The following SNX8 variants were observed in gnomAD, a reference collection of about 807,000 sequenced individuals.
SNX8 encodes the protein sorting nexin-8.
A neutral mutation model predicts 51.6 loss-of-function variants in SNX8; 25 were observed. The ratio of observed to expected loss-of-function variants is 0.48; its 90% CI spans 0.35 to 0.68. The LOEUF is 0.68. Among genes scored for constraint, SNX8 ranks in the 30% least tolerant of loss-of-function variants. SNX8 has a pLI of 0.00. For missense variants in SNX8, 695 were observed against 624.0 expected (o/e 1.11, Z -1.21); for synonymous variants, 324 against 277.0 (o/e 1.17, Z -1.68).
chr7:2,300,806 C>T (rs1796373557), intron 1 of SNX8, among the ~76,000 whole-genome samples: 1 of 152,042 alleles, frequency 6.6e-6, no homozygotes, highest in African/African-American at 2.4e-5. Context: ...CCACGCCCAG[C>T]TAATTTTTGT....
rs1242729760 is a variant in SNX8, at chr7:2,254,797, A to AT, written c.*258_*259insA. On this transcript the variant is annotated 3_prime_UTR_variant, in exon 11 of 11. Coordinates refer to ENST00000222990, the MANE Select transcript of SNX8 (RefSeq NM_013321.4). Reference sequence around the variant, plus strand: ...GCCTCCCCGCACAGCTCTGGGTGTCAGGAGGAAACCATTCCAGAGAACCCC... The same window carrying AT: ...GCCTCCCCGCACAGCTCTGGGTGTCATGGAGGAAACCATTCCAGAGAACCCC... 3.6e-6 allele frequency: 2 copies of AT among 549,352 alleles called. No individual in the cohort carries two copies. Among genetic ancestry groups the AT allele is most frequent in the Non-Finnish European group, 6.5e-6 (2 of 306,374 alleles). 34.0% of individuals were successfully genotyped at this position (549,352 alleles called of 1,614,324 possible).
chr7:2,300,663 A>C (rs117144060), intron 1 of SNX8, among the ~76,000 whole-genome samples: 2,959 of 151,214 alleles, frequency 0.02, 56 homozygotes, highest in South Asian at 0.099. Flanking sequence ...AATTATTGAG[A>C]CAGAGTTTCA....
At position 2,327,125 on chromosome 7, in the gene SNX8, T is replaced by C. The variant is rs536490663; in HGVS notation, c.-66+27097A>G. Among the ~76,000 whole-genome samples, 3 of 152,264 alleles carry C rather than the reference T, an allele frequency of 2.0e-5. No individual in the cohort carries two copies. The East Asian group carries it at 5.8e-4, about 29-fold the overall frequency. On this transcript the variant is annotated intron_variant, in intron 1 of 5. Transcript: ENST00000435336. ...CTTGCTTCTTCCAGCTTCTGGTGTT[T>C]GTCTCCTAGGGGGTTCCTGGTTTGT...
At chr7:2,342,027 A>AG in intron 1 of SNX8, among the ~76,000 whole-genome samples, 1 of 151,714 alleles carries the variant, frequency 6.6e-6, no homozygotes, top group Non-Finnish European at 1.5e-5. Context: ...TGGGAGGCTG[A>AG]GACGGGCGGA....
chr7:2,292,557 G>A (rs1230967652), intron 1 of SNX8, among the ~76,000 whole-genome samples: 1 of 151,710 alleles, frequency 6.6e-6, no homozygotes, highest in African/African-American at 2.4e-5. Context: ...GACTACAGGC[G>A]TCCACCACCA....
upstream of SNX8, among the ~76,000 whole-genome samples, chr7:2,319,049 T>C (rs1477491923): frequency 6.6e-6 from 1 of 151,538 alleles, no homozygotes; most frequent in East Asian, 1.9e-4. Context: ...ACTAAAAAAC[T>C]GTAAATTGGC....
Position 2,271,834 on chromosome 7 carries a change from G to C in SNX8, c.540+16C>G, listed in dbSNP as rs1310953959. The stretch of plus-strand genomic sequence containing the variant: ...ACTCCCCGGGGCCGGGACATGGGCA[G>C]GGCAGACACACTCACCGAGCCGCTG... On this transcript the variant is annotated intron_variant, in intron 4 of 10. Transcript: ENST00000222990. The C allele has an allele frequency of 1.9e-6, 3 of 1,593,164 alleles. No homozygotes were observed. The African/African-American group carries it at 4.0e-5, about 21-fold the overall frequency.
Position 2,254,720 on chromosome 7 carries a change from G to A in SNX8, c.*336C>T. ...CTCCCGACTGTTCCAGCACCTGGAG[G>A]CCCTGCCTCCACGCTCCCCCAGGCA... On this transcript the variant is annotated 3_prime_UTR_variant, in exon 11 of 11. Transcript: ENST00000222990. 1 of 355,132 alleles carries A rather than the reference G, an allele frequency of 2.8e-6. No homozygotes were observed. The highest frequency in any genetic ancestry group is 5.3e-6 in the Non-Finnish European group (1 of 190,208). 22.0% of individuals were successfully genotyped at this position (355,132 alleles called of 1,614,324 possible). A position where few individuals can be genotyped will look rare whatever the true frequency, so the allele number is the denominator to read the frequency against.
chr7:2,304,276 A>AGTG (rs1562448994), intron 1 of SNX8, among the ~76,000 whole-genome samples: 8 of 152,006 alleles, frequency 5.3e-5, no homozygotes, highest in Non-Finnish European at 1.0e-4. Flanking sequence ...CGGGCACGGC[A>AGTG]GCTCACGCCT....
At position 2,264,354 on chromosome 7, in the gene SNX8, G is replaced by A. The variant is rs202075558; in HGVS notation, c.726C>T (p.Ile242=). The A allele has an allele frequency of 2.8e-5, 45 of 1,612,874 alleles. No homozygotes were observed. In the East Asian group the frequency reaches 5.8e-4, roughly 21 times the overall value. ...FHKLRDRAER[I]ASRAIDNAAD... ...CCGCATTGTCGATGGCCCGCGATGC[G>A]ATCCGCTCGGCCCTGTCGCGAAGCT... is the stretch of plus-strand genomic sequence containing the variant. The change falls in exon 6 of 11, where the codon ATC becomes ATT. Residue 242 remains isoleucine, a synonymous_variant. Transcript: ENST00000222990.
At chr7:2,347,613 CTT>C (rs779721737) in intron 1 of SNX8, among the ~76,000 whole-genome samples, 74 of 121,570 alleles carry the variant, frequency 6.1e-4, no homozygotes, top group South Asian at 2.7e-3. Context: ...ACACTGGATT[CTT>C]TTTTTTTTTT....
rs1054069996 is a variant in SNX8, at chr7:2,280,322, A to AT, written c.95-2018dup. ...CTAAATAGAAAAAAAAGTGTTTCTC[A>AT]TTTTTTTTGTTTTTTACATGTTAGC... On this transcript the variant is annotated intron_variant, in intron 1 of 10. Transcript: ENST00000222990. 7.2e-5 allele frequency among the ~76,000 whole-genome samples: 11 copies of AT among 151,952 alleles called. No individual in the cohort carries two copies. The South Asian group carries it at 2.3e-3, about 32-fold the overall frequency.
intron 1 of SNX8, among the ~76,000 whole-genome samples, chr7:2,324,363 T>C (rs1192968107): frequency 6.6e-6 from 1 of 150,676 alleles, no homozygotes; most frequent in African/African-American, 2.4e-5. Flanking sequence ...TGATCTTGGC[T>C]CACTACAACC....
At chr7:2,305,590 C>T (rs1796527290) in intron 1 of SNX8, among the ~76,000 whole-genome samples, 1 of 152,074 alleles carries the variant, frequency 6.6e-6, no homozygotes, top group African/African-American at 2.4e-5. Context: ...TCTCGAACTC[C>T]TGACCTCAGG....
intron 4 of SNX8, among the ~76,000 whole-genome samples, chr7:2,271,302 C>T (rs538858630): frequency 1.1e-4 from 17 of 152,216 alleles, no homozygotes; most frequent in Admixed American, 9.2e-4. Flanking sequence ...TCGGCCTCTC[C>T]GAGCGCTGGG....
chr7:2,335,091 G>C (rs533689224), intron 1 of SNX8, among the ~76,000 whole-genome samples: 9 of 151,884 alleles, frequency 5.9e-5, no homozygotes, highest in Admixed American at 1.3e-4. Context: ...AGCTACTTGG[G>C]AGGCTGAGGC....
chr7:2,316,345 GCATT>G (rs1230827803), upstream of SNX8, among the ~76,000 whole-genome samples: 29 of 132,360 alleles, frequency 2.2e-4, no homozygotes, highest in Admixed American at 1.0e-3. Flanking sequence ...ACTGCATCCT[GCATT>G]CATTCATTCA....
chr7:2,280,599 C>G (rs1465179004), intron 1 of SNX8, among the ~76,000 whole-genome samples: 1 of 151,984 alleles, frequency 6.6e-6, no homozygotes, highest in Non-Finnish European at 1.5e-5. Flanking sequence ...TAATGATTAC[C>G]AAGTGGTCAC....
In SNX8 at chr7:2,267,450, A is replaced by C. The variant is rs74432900; in HGVS notation, c.621+2109T>G. ...TGATTCTCCTGCCTCAGTCTGCCGA[A>C]TGCCTGCGATTGCAGGCACGCGCCG... is the stretch of plus-strand genomic sequence containing the variant. On this transcript the variant is annotated intron_variant, in intron 5 of 10. Coordinates refer to ENST00000222990, the MANE Select transcript of SNX8 (RefSeq NM_013321.4). Among the ~76,000 whole-genome samples, 11 of 127,578 alleles carry C rather than the reference A, an allele frequency of 8.6e-5. 1 individual carries two copies. The highest frequency in any genetic ancestry group is 1.4e-4 in the Non-Finnish European group (8 of 56,020). The allele number at this position is 127,578 out of a possible 152,430, so 83.7% of individuals were successfully genotyped here. A position where few individuals can be genotyped will look rare whatever the true frequency, so the allele number is the denominator to read the frequency against.
Sources: gnomAD v4.1 joint callset for allele counts (sites outside exome capture counted in the v4.1 genomes callset) on GRCh38, gnomAD v4.1.1 for gene constraint, MANE v1.5 for transcripts, NCBI Gene and HGNC (gene_info 2026-07-23, HGNC 2026-07-21) for gene names.